SMYD3: variants seen among roughly 807,000 people sequenced by gnomAD.
SMYD3 encodes the protein SET and MYND domain containing 3, also known as histone-lysine N-methyltransferase SMYD3.
SMYD3 carries 36 observed loss-of-function variants against 57.7 expected under a neutral mutation model. The ratio of observed to expected loss-of-function variants is 0.62; its 90% CI spans 0.48 to 0.82. SMYD3 has a LOEUF of 0.82. Ranked by LOEUF, SMYD3 falls within the 40% of genes least tolerant of loss-of-function variation. The probability of loss-of-function intolerance (pLI) is 0.00; values close to 1 mark genes in which losing one functional copy is unlikely to be tolerated. For synonymous variants in SMYD3, 211 were observed against 195.0 expected (o/e 1.08, Z -0.68); for missense variants, 515 against 538.8 (o/e 0.96, Z 0.44).
intron 10 of SMYD3, among the ~76,000 whole-genome samples, chr1:245,807,491 C>A (rs2048240665): frequency 6.6e-6 from 1 of 152,162 alleles, no homozygotes; most frequent in South Asian, 2.1e-4. Flanking sequence ...CAGGACTGTA[C>A]CCCAAATTAC....
At chr1:246,365,704 G>C (rs1247813645) in intron 1 of SMYD3, among the ~76,000 whole-genome samples, 1 of 151,966 alleles carries the variant, frequency 6.6e-6, no homozygotes, top group African/African-American at 2.4e-5. Context: ...AAATATGACT[G>C]GGTGGAAAAA....
rs150364663 is a variant in SMYD3, at chr1:246,064,289, C to G, written c.532-134352G>C. On this transcript the variant is annotated intron_variant, in intron 5 of 11. Coordinates refer to ENST00000490107, the MANE Select transcript of SMYD3 (RefSeq NM_001167740.2). ...GCATAGTGGAAAACAGGGCCTTTTT[C>G]TGATGTGCCCAAGTTTTCTCTCTAA... is the stretch of plus-strand genomic sequence containing the variant. 3.9e-4 allele frequency among the ~76,000 whole-genome samples: 59 copies of G among 152,302 alleles called. 1 individual carries two copies. Among genetic ancestry groups the G allele is most frequent in the African/African-American group, 1.3e-3 (56 of 41,558 alleles).
chr1:245,921,096 T>TA (rs1239070463), intron 7 of SMYD3, among the ~76,000 whole-genome samples: 1 of 151,966 alleles, frequency 6.6e-6, no homozygotes, highest in East Asian at 1.9e-4. Context: ...AATAAGCAAA[T>TA]AACCCAAGTA....
intron 5 of SMYD3, among the ~76,000 whole-genome samples, chr1:246,038,889 GA>G (rs2059822732): frequency 6.6e-6 from 1 of 152,050 alleles, no homozygotes; most frequent in East Asian, 1.9e-4. Flanking sequence ...TAGAAACAGG[GA>G]AAGTAAAATG....
rs112620113 is a variant in SMYD3, at chr1:246,348,075, T to C, written c.228+6956A>G. On this transcript the variant is annotated intron_variant, in intron 2 of 11. Coordinates refer to ENST00000490107, the MANE Select transcript of SMYD3 (RefSeq NM_001167740.2). ...AAAGAAAACGTTATATATATATATATATACACACACACCATCAAATACTAT... is the reference window on the plus strand; with the variant it reads ...AAAGAAAACGTTATATATATATATACATACACACACACCATCAAATACTAT... 4.4e-5 allele frequency among the ~76,000 whole-genome samples: 4 copies of C among 91,258 alleles called. 1 individual carries two copies. In the East Asian group the frequency reaches 1.3e-3, roughly 29 times the overall value. The allele number at this position is 91,258 out of a possible 152,430, so 59.9% of individuals were successfully genotyped here.
chr1:245,781,830 G>A (rs148166188), intron 10 of SMYD3, among the ~76,000 whole-genome samples: 5 of 152,216 alleles, frequency 3.3e-5, no homozygotes, highest in East Asian at 1.9e-4. Flanking sequence ...TTAGCTGAGC[G>A]TGGTGGCATG....
intron 5 of SMYD3, among the ~76,000 whole-genome samples, chr1:246,002,482 C>T (rs2059084822): frequency 1.5e-5 from 1 of 65,476 alleles, no homozygotes; most frequent in Non-Finnish European, 3.4e-5. Flanking sequence ...CCACGCCCGG[C>T]TAATTTTTTG....
At position 245,914,562 on chromosome 1, in the gene SMYD3, A is replaced by T. The variant is rs556049690; in HGVS notation, c.813+968T>A. 2.3e-4 allele frequency among the ~76,000 whole-genome samples: 35 copies of T among 152,182 alleles called. No homozygotes were observed. The East Asian group carries it at 5.6e-3, about 24-fold the overall frequency. The stretch of plus-strand genomic sequence containing the variant: ...GTGTTCTCACTCATATGTGGGAATT[A>T]AAAAAAATGGATTTCATGGAAGTAG... On this transcript the variant is annotated intron_variant, in intron 8 of 11. Coordinates refer to ENST00000490107, the MANE Select transcript of SMYD3 (RefSeq NM_001167740.2).
chr1:246,415,959 G>A (rs550217289), intron 1 of SMYD3, among the ~76,000 whole-genome samples: 28 of 152,226 alleles, frequency 1.8e-4, no homozygotes, highest in East Asian at 9.6e-4. Context: ...ACTCCCACAC[G>A]TAAGTACACT....
chr1:246,101,063 G>GTTTTTT (rs1558228762), intron 5 of SMYD3, among the ~76,000 whole-genome samples: 6 of 93,002 alleles, frequency 6.5e-5, no homozygotes, highest in South Asian at 3.8e-4. Context: ...TATTTTTAGG[G>GTTTTTT]GTTTTTTGTT....
At chr1:245,899,049 G>A (rs2054014122) in intron 8 of SMYD3, among the ~76,000 whole-genome samples, 1 of 152,196 alleles carries the variant, frequency 6.6e-6, no homozygotes, top group South Asian at 2.1e-4. Context: ...ACAAAATACT[G>A]TGTAAGTCCA....
intron 5 of SMYD3, 105 bp downstream of exon 5, chr1:246,327,096 G>T: frequency 7.4e-7 from 1 of 1,352,834 alleles, no homozygotes; most frequent in Non-Finnish European, 1.1e-6. Flanking sequence ...GGCATTAAGG[G>T]TCTTGAATTT....
chr1:245,851,564 A>G (rs2050978709), intron 10 of SMYD3, among the ~76,000 whole-genome samples: 1 of 152,216 alleles, frequency 6.6e-6, no homozygotes, highest in Non-Finnish European at 1.5e-5. Flanking sequence ...AGGTTCCTAC[A>G]GAGATCTGAT....
rs12134377 is a variant in SMYD3, at chr1:246,208,779, A to G, written c.531+118422T>C. Among the ~76,000 whole-genome samples the G allele has an allele frequency of 3.9e-5, 6 of 152,196 alleles. No homozygotes were observed. In the East Asian group the frequency reaches 9.7e-4, roughly 25 times the overall value. ...TCCAAGAATGCATTAGCCAAAACCAACTAAAGTAGTTTTTGGGCTCATGAT... is the reference window on the plus strand; with the variant it reads ...TCCAAGAATGCATTAGCCAAAACCAGCTAAAGTAGTTTTTGGGCTCATGAT... On this transcript the variant is annotated intron_variant, in intron 5 of 11. Transcript: ENST00000490107.
In SMYD3 at chr1:246,289,271, C is replaced by T. The variant is rs545220126; in HGVS notation, c.531+37930G>A. ...GATTATTTAATTCCCTAGAAGAATG[C>T]CAATGCATTTGACTTTGTTACTTGC... On this transcript the variant is annotated intron_variant, in intron 5 of 11. Transcript: ENST00000490107. 1.2e-4 allele frequency among the ~76,000 whole-genome samples: 19 copies of T among 152,272 alleles called. No homozygotes were observed. The South Asian group carries it at 3.7e-3, about 30-fold the overall frequency.
chr1:245,994,781 G>A (rs912773589), intron 5 of SMYD3, among the ~76,000 whole-genome samples: 1 of 151,450 alleles, frequency 6.6e-6, no homozygotes, highest in East Asian at 1.9e-4. Flanking sequence ...GACTGAGAAA[G>A]TAAGAGATGA....
chr1:246,101,067 TTTTG>T (rs1259203373), intron 5 of SMYD3, among the ~76,000 whole-genome samples: 6,297 of 57,060 alleles, frequency 0.11, 865 homozygotes, highest in Non-Finnish European at 0.24. Context: ...TTTAGGGGTT[TTTTG>T]TTTTTTTTTT....
intron 5 of SMYD3, among the ~76,000 whole-genome samples, chr1:246,173,813 C>T (rs2062385751): frequency 6.6e-6 from 1 of 150,940 alleles, no homozygotes; most frequent in Non-Finnish European, 1.5e-5. Flanking sequence ...TTTTTTAATG[C>T]TTTTTTTTTC....
At chr1:245,767,672 G>C (rs1024372413) in intron 10 of SMYD3, among the ~76,000 whole-genome samples, 1 of 152,208 alleles carries the variant, frequency 6.6e-6, no homozygotes, top group African/African-American at 2.4e-5. Flanking sequence ...AAAGGGCAGT[G>C]AGCATGCTGG....
Sources: allele counts gnomAD v4.1 joint callset (sites outside exome capture counted in the v4.1 genomes callset), GRCh38; gene constraint gnomAD v4.1.1; transcripts MANE v1.5; gene names NCBI Gene and HGNC (gene_info 2026-07-23, HGNC 2026-07-21).